Variants in APC observed in about 807,000 individuals in gnomAD.
APC encodes adenomatous polyposis coli protein.
Under a neutral mutation model 247.0 loss-of-function variants are expected in APC, and 72 were observed. The observed-to-expected ratio is 0.29, with a 90% CI of 0.24 to 0.35. The LOEUF (loss-of-function observed/expected upper bound fraction) is 0.35. Ranked by LOEUF, APC falls within the 10% of genes least tolerant of loss-of-function variation. APC has a pLI of 1.00. For synonymous variants in APC, 1,254 were observed against 1,162.5 expected (o/e 1.08, Z -1.60); for missense variants, 3,400 against 3,360.7 (o/e 1.01, Z -0.29).
At chr5:112,740,551 G>T (rs1425255953) in intron 1 of APC, among the ~76,000 whole-genome samples, 31 of 141,732 alleles carry the variant, frequency 2.2e-4, no homozygotes, top group Admixed American at 5.7e-4. Context: ...TTTGAGACAG[G>T]GTCTCACTTT....
rs1239946140 is a variant in APC at position 112,707,883 on chromosome 5, G to A, written c.165+1G>A. 8.8e-6 allele frequency: 12 copies of A among 1,368,268 alleles called. No homozygotes were observed. In the East Asian group the frequency reaches 3.4e-4, roughly 39 times the overall value. The allele number at this position is 1,368,268 out of a possible 1,614,324, so 84.8% of individuals were successfully genotyped here. On this transcript the variant is annotated splice_donor_variant, in intron 1 of 13. Coordinates refer to the APC transcript ENST00000507379. LOFTEE classifies it high-confidence loss of function. ...TGGCCACTGGGCGAGCGTCTGGCAGGTGAGTGAGGCTGCAGGCATTGACGT... is the reference window on the plus strand; with the variant it reads ...TGGCCACTGGGCGAGCGTCTGGCAGATGAGTGAGGCTGCAGGCATTGACGT...
At chr5:112,713,706 C>T (rs1302461474) in intron 1 of APC, among the ~76,000 whole-genome samples, 2 of 152,166 alleles carry the variant, frequency 1.3e-5, no homozygotes, top group African/African-American at 4.8e-5. Flanking sequence ...CTCGTTCAGT[C>T]ACTCAGGCTG....
intron 8 of APC, among the ~76,000 whole-genome samples, chr5:112,810,977 A>G (rs1445824595): frequency 6.6e-6 from 1 of 152,138 alleles, no homozygotes; most frequent in Non-Finnish European, 1.5e-5. Context: ...GTGAGCTGAG[A>G]TCACGCCACT....
At chr5:112,754,342 C>T (rs1237701973) in intron 1 of APC, among the ~76,000 whole-genome samples, 1 of 152,154 alleles carries the variant, frequency 6.6e-6, no homozygotes, top group Non-Finnish European at 1.5e-5. Context: ...CTTTTAATGA[C>T]ATCTTAGAAC....
At chr5:112,809,994 TC>T (rs1023186948) in intron 8 of APC, 1 of 350,282 alleles carries the variant, frequency 2.9e-6, no homozygotes, top group African/African-American at 2.2e-5. Flanking sequence ...AGACTCCGTC[TC>T]AAAAAAAAAA....
At position 112,707,678 on chromosome 5, in the gene APC, G is replaced by A. The variant is rs1750595782; in HGVS notation, c.-40G>A. 1 of 1,370,440 alleles carries A rather than the reference G, an allele frequency of 7.3e-7. No homozygotes were observed. Among genetic ancestry groups the A allele is most frequent in the Non-Finnish European group, 9.6e-7 (1 of 1,038,644 alleles). The allele number at this position is 1,370,440 out of a possible 1,614,324, so 84.9% of individuals were successfully genotyped here. A position where few individuals can be genotyped will look rare whatever the true frequency, so the allele number is the denominator to read the frequency against. On this transcript the variant is annotated 5_prime_UTR_variant, in exon 1 of 14. Transcript: ENST00000507379. ...CTGTTGTTGGCTGTTGGTGAGGAAGGTGAAGCACTCAGTTGCCTTCTCGGG... is the reference window on the plus strand; with the variant it reads ...CTGTTGTTGGCTGTTGGTGAGGAAGATGAAGCACTCAGTTGCCTTCTCGGG...
At chr5:112,807,022 A>G (rs1761486179) in intron 8 of APC, among the ~76,000 whole-genome samples, 1 of 151,908 alleles carries the variant, frequency 6.6e-6, no homozygotes, top group South Asian at 2.1e-4. Flanking sequence ...AATCCCAGCT[A>G]CTTGGGAGGC....
chr5:112,788,680 G>T (rs553231129), intron 6 of APC, among the ~76,000 whole-genome samples: 22 of 152,108 alleles, frequency 1.4e-4, no homozygotes, highest in Non-Finnish European at 3.1e-4. Flanking sequence ...CTTCACAGGG[G>T]TCTTACATAT....
chr5:112,759,515 G>A (rs1218776597), intron 2 of APC, among the ~76,000 whole-genome samples: 13 of 151,772 alleles, frequency 8.6e-5, no homozygotes, highest in South Asian at 6.2e-4. Flanking sequence ...GCACCACCAC[G>A]CCCAGCTAAT....
chr5:112,781,126 C>CTTGGAATT (rs1758298361), intron 6 of APC, among the ~76,000 whole-genome samples: 1 of 152,116 alleles, frequency 6.6e-6, no homozygotes, highest in Non-Finnish European at 1.5e-5. Flanking sequence ...TCTGTTCTGC[C>CTTGGAATT]TTGGAATTAT....
intron 9 of APC, among the ~76,000 whole-genome samples, chr5:112,818,199 A>T (rs535877005): frequency 2.0e-5 from 3 of 152,218 alleles, no homozygotes. Flanking sequence ...TTCTTTATAT[A>T]ATAGCCTCTA....
chr5:112,787,876 C>G (rs955534044), intron 6 of APC, among the ~76,000 whole-genome samples: 1 of 151,946 alleles, frequency 6.6e-6, no homozygotes, highest in African/African-American at 2.4e-5. Flanking sequence ...CTTGAGTTTG[C>G]TATTATGTAT....
chr5:112,734,450 G>A (rs192419147), upstream of APC, among the ~76,000 whole-genome samples: 308 of 152,206 alleles, frequency 2.0e-3, 1 homozygote, highest in Non-Finnish European at 3.5e-3. Context: ...CTAAATCTGA[G>A]CTTTATTTGA....
chr5:112,840,274 A>G lies in APC; in HGVS notation c.4680A>G (p.Glu1560=), dbSNP rs1765740199. 1.9e-6 allele frequency: 3 copies of G among 1,614,190 alleles called. No individual in the cohort carries two copies. The East Asian group carries it at 6.7e-5, about 36-fold the overall frequency. The change falls in exon 16 of 16, where the codon GAA becomes GAG. Residue 1560 remains glutamate (E), a synonymous_variant. Transcript: ENST00000257430. This position sits in a 1 kb window ranked among gnomAD's most constrained non-coding sequence, Gnocchi z 4.1. ...EKEAEKTIDS[E]KDLLDDSDDD... ...AGGCAGAAAAAACTATTGATTCTGAAAAGGACCTATTAGATGATTCAGATG... is the reference window on the plus strand; with the variant it reads ...AGGCAGAAAAAACTATTGATTCTGAGAAGGACCTATTAGATGATTCAGATG...
chr5:112,782,947 G>T (rs1179493290), intron 6 of APC, among the ~76,000 whole-genome samples: 1 of 152,058 alleles, frequency 6.6e-6, no homozygotes, highest in Non-Finnish European at 1.5e-5. Flanking sequence ...TTAAATTTTA[G>T]ATTTTCATGG....
At chr5:112,729,382 G>A (rs980612951) in intron 1 of APC, among the ~76,000 whole-genome samples, 27 of 152,278 alleles carry the variant, frequency 1.8e-4, no homozygotes, top group East Asian at 3.9e-4. Context: ...GCACCAGTGC[G>A]TTGATAAGGT....
chr5:112,712,383 A>C (rs994268487), intron 1 of APC, among the ~76,000 whole-genome samples: 2 of 151,858 alleles, frequency 1.3e-5, no homozygotes, highest in African/African-American at 4.8e-5. Flanking sequence ...GTGTGCACAT[A>C]TATGTTTTGT....
rs876658384 is a variant in APC at position 112,839,740 on chromosome 5, C to G, written c.4146C>G (p.Leu1382=). The change falls in exon 16 of 16, where the codon CTC becomes CTG. Residue 1382 remains leucine (L), a synonymous_variant. Transcript: ENST00000257430. This position sits in a 1 kb window ranked among gnomAD's most constrained non-coding sequence, Gnocchi z 5.0. The part of the protein sequence containing the change: ...PPEHYVQETP[L]MFSRCTSVSS... ...AACACTATGTTCAGGAGACCCCACT[C>G]ATGTTTAGCAGATGTACTTCTGTCA... The G allele has an allele frequency of 8.7e-6, 14 of 1,613,998 alleles. No individual in the cohort carries two copies. The African/African-American group carries it at 1.5e-4, about 17-fold the overall frequency.
At chr5:112,804,497 A>G (rs1761162102) in intron 8 of APC, among the ~76,000 whole-genome samples, 1 of 152,088 alleles carries the variant, frequency 6.6e-6, no homozygotes, top group Non-Finnish European at 1.5e-5. Context: ...ATTCTGCCTC[A>G]GCCTCCCGAG....
Sources: gnomAD v4.1 joint callset for allele counts (sites outside exome capture counted in the v4.1 genomes callset) on GRCh38, gnomAD v4.1.1 for gene constraint, Gnocchi (gnomAD v3.1) non-coding constraint, MANE v1.5 for transcripts, NCBI Gene and HGNC (gene_info 2026-07-23, HGNC 2026-07-21) for gene names.